The following THSD7A variants were observed in gnomAD, a reference collection of about 807,000 sequenced individuals.
The protein encoded by THSD7A is thrombospondin type-1 domain-containing protein 7A.
A neutral mutation model predicts 231.3 loss-of-function variants in THSD7A; 96 were observed. That is an observed-to-expected ratio of 0.41 (90% CI 0.35 to 0.49). The LOEUF is 0.49. Ranked by LOEUF, THSD7A falls within the 20% of genes least tolerant of loss-of-function variation. The probability of loss-of-function intolerance (pLI) is 0.05; values close to 1 mark genes in which losing one functional copy is unlikely to be tolerated. For synonymous variants in THSD7A, 940 were observed against 743.3 expected, an observed-to-expected ratio of 1.26 and a Z score of -4.30; for missense variants, 2,290 against 2,070.2, an observed-to-expected ratio of 1.11 and a Z score of -2.06.
intron 4 of THSD7A, among the ~76,000 whole-genome samples, chr7:11,545,912 G>A (rs536978814): frequency 2.0e-5 from 3 of 152,178 alleles, no homozygotes; most frequent in African/African-American, 7.2e-5. Context: ...CATGAACAGA[G>A]CATAGCTTTC....
intron 1 of THSD7A, among the ~76,000 whole-genome samples, chr7:11,672,847 G>A (rs2077098001): frequency 1.3e-5 from 2 of 151,978 alleles, no homozygotes; most frequent in African/African-American, 4.8e-5. Context: ...TTTGAATTGA[G>A]AAAACAGACA....
At chr7:11,811,283 T>G (rs962693110) in intron 1 of THSD7A, among the ~76,000 whole-genome samples, 1 of 152,106 alleles carries the variant, frequency 6.6e-6, no homozygotes, top group Non-Finnish European at 1.5e-5. Flanking sequence ...GTAAAGACCT[T>G]CAACAAAGAA....
chr7:11,710,886 T>G (rs1780935149), intron 1 of THSD7A, among the ~76,000 whole-genome samples: 1 of 150,898 alleles, frequency 6.6e-6, no homozygotes, highest in Non-Finnish European at 1.5e-5. Flanking sequence ...GCTTTTCAAA[T>G]GATAATTGTA....
chr7:11,745,704 C>A lies in THSD7A; in HGVS notation c.190+86053G>T, dbSNP rs566864171. Among the ~76,000 whole-genome samples, 210 of 152,174 alleles carry A rather than the reference C, an allele frequency of 1.4e-3. 1 individual carries two copies. Among genetic ancestry groups the A allele is most frequent in the African/African-American group, 5.1e-3 (210 of 41,534 alleles). On this transcript the variant is annotated intron_variant, in intron 1 of 27. Transcript: ENST00000423059. ...CAGCACCATTTATTAAATAGGGAAT[C>A]CTTTCCCCATTGCTTGTTTTTCTCA...
chr7:11,539,187 TA>T (rs1789039133), intron 6 of THSD7A, among the ~76,000 whole-genome samples: 1 of 152,164 alleles, frequency 6.6e-6, no homozygotes, highest in Non-Finnish European at 1.5e-5. Flanking sequence ...GACCACATGA[TA>T]ATATGGGAGC....
At chr7:11,613,040 T>G (rs1354596789) in intron 2 of THSD7A, among the ~76,000 whole-genome samples, 1 of 152,154 alleles carries the variant, frequency 6.6e-6, no homozygotes, top group Non-Finnish European at 1.5e-5. Context: ...TGTCATTATG[T>G]CAATAAAATC....
intron 17 of THSD7A, among the ~76,000 whole-genome samples, chr7:11,416,318 G>A (rs549398684): frequency 1.3e-5 from 2 of 152,142 alleles, no homozygotes; most frequent in African/African-American, 2.4e-5. Flanking sequence ...AAGGGGCCTG[G>A]GTTCAATATT....
intron 1 of THSD7A, among the ~76,000 whole-genome samples, chr7:11,684,447 C>T (rs1488636935): frequency 2.7e-5 from 4 of 150,812 alleles, no homozygotes; most frequent in Non-Finnish European, 4.4e-5. Context: ...GTAGAATCAT[C>T]TCTCTTTGCA....
chr7:11,420,807 C>T (rs183908048), intron 16 of THSD7A, among the ~76,000 whole-genome samples: 1 of 152,180 alleles, frequency 6.6e-6, no homozygotes, highest in Non-Finnish European at 1.5e-5. Flanking sequence ...TCGAGCTGCC[C>T]AAGGCCTTGG....
intron 2 of THSD7A, among the ~76,000 whole-genome samples, chr7:11,595,105 G>C (rs1037235004): frequency 9.9e-5 from 15 of 152,122 alleles, no homozygotes; most frequent in African/African-American, 3.4e-4. Context: ...CACTGCCTGA[G>C]GCAACAGTGA....
Position 11,608,648 on chromosome 7 carries a change from T to C in THSD7A, c.1023-15146A>G, listed in dbSNP as rs1308997592. ...TTCGTAAAAATATAAGAAAAAGCAA[T>C]GCAGTTATCATAAAATAATGCCATT... On this transcript the variant is annotated intron_variant, in intron 2 of 27. Coordinates refer to ENST00000423059, the MANE Select transcript of THSD7A (RefSeq NM_015204.3). 5.3e-5 allele frequency among the ~76,000 whole-genome samples: 8 copies of C among 152,142 alleles called. No individual in the cohort carries two copies. The East Asian group carries it at 1.3e-3, about 26-fold the overall frequency.
chr7:11,653,709 A>G (rs2128369756), intron 1 of THSD7A, among the ~76,000 whole-genome samples: 1 of 152,004 alleles, frequency 6.6e-6, no homozygotes, highest in African/African-American at 2.4e-5. Flanking sequence ...TTGTACACAC[A>G]ATGAGAAAAG....
intron 1 of THSD7A, among the ~76,000 whole-genome samples, chr7:11,795,751 TGAGTGTTCAATGA>T (rs1369321964): frequency 2.7e-5 from 4 of 150,938 alleles, no homozygotes; most frequent in Non-Finnish European, 5.9e-5. Flanking sequence ...AAATAAGAGG[TGAGTGTTCAATGA>T]GCTGCTGGAG....
At chr7:11,740,806 T>C (rs1782087441) in intron 1 of THSD7A, among the ~76,000 whole-genome samples, 2 of 152,022 alleles carry the variant, frequency 1.3e-5, no homozygotes, top group Non-Finnish European at 2.9e-5. Context: ...TCTGCTTCTC[T>C]CCCTAGAACA....
intron 2 of THSD7A, among the ~76,000 whole-genome samples, chr7:11,620,370 TAGA>T (rs1259489815): frequency 1.3e-5 from 2 of 152,168 alleles, no homozygotes; most frequent in Non-Finnish European, 2.9e-5. Flanking sequence ...TAATTACATG[TAGA>T]AGAAGTATCA....
At chr7:11,560,537 C>A (rs1018071248) in intron 4 of THSD7A, among the ~76,000 whole-genome samples, 1 of 152,138 alleles carries the variant, frequency 6.6e-6, no homozygotes, top group African/African-American at 2.4e-5. Flanking sequence ...TGCTTCTTTA[C>A]CAATTATAGC....
chr7:11,411,112 A>G lies in THSD7A; in HGVS notation c.3798+95T>C. On this transcript the variant is annotated intron_variant, in intron 19 of 27. Coordinates refer to ENST00000423059, the MANE Select transcript of THSD7A (RefSeq NM_015204.3). The surrounding 1 kb of genome is among the most constrained non-coding windows in gnomAD (Gnocchi z 4.1). ...CAGTGCAGAAAAACATCTGCTGGCA[A>G]TGAGCTGCATGGAGCACGGGTCACT... 1 of 838,780 alleles carries G rather than the reference A, an allele frequency of 1.2e-6. No homozygotes were observed. The allele number at this position is 838,780 out of a possible 1,614,324, so 52.0% of individuals were successfully genotyped here.
At chr7:11,643,578 C>T (rs1782166229) in intron 1 of THSD7A, among the ~76,000 whole-genome samples, 1 of 130,828 alleles carries the variant, frequency 7.6e-6, no homozygotes, top group African/African-American at 3.0e-5. Context: ...AATTCCATTT[C>T]AACAGATACA....
At chr7:11,529,618 C>CTT (rs35665600) in intron 6 of THSD7A, among the ~76,000 whole-genome samples, 120,042 of 151,322 alleles carry the variant, frequency 0.79, 48,416 homozygotes, top group African/African-American at 0.94. Flanking sequence ...CTCTCTCTCT[C>CTT]GCTGCCATAT....
Sources: gnomAD v4.1 joint callset for allele counts (sites outside exome capture counted in the v4.1 genomes callset) on GRCh38, gnomAD v4.1.1 for gene constraint, Gnocchi (gnomAD v3.1) non-coding constraint, MANE v1.5 for transcripts, NCBI Gene and HGNC (gene_info 2026-07-23, HGNC 2026-07-21) for gene names.